Variants in CEP295 observed in about 807,000 individuals in gnomAD.
CEP295 encodes centrosomal protein 295.
In CEP295, 190 loss-of-function variants were observed where a neutral mutation model predicts 291.6. The observed-to-expected ratio is 0.65, with a 90% CI of 0.58 to 0.73. CEP295 has a LOEUF of 0.73. Ranked by LOEUF, CEP295 falls within the 30% of genes least tolerant of loss-of-function variation. The pLI, the probability that CEP295 is intolerant of heterozygous loss-of-function variation, is 0.00. For synonymous variants in CEP295, 993 were observed against 1,038.8 expected, an observed-to-expected ratio of 0.96 and a Z score of 0.85; for missense variants, 2,863 against 2,949.4, an observed-to-expected ratio of 0.97 and a Z score of 0.68.
chr11:93,707,001 G>A, intron 18 of CEP295, 104 bp downstream of exon 18: 1 of 948,042 alleles, frequency 1.1e-6, no homozygotes, highest in Non-Finnish European at 1.5e-6. Flanking sequence ...AATAAACTTA[G>A]TTACTGCTGT....
chr11:93,728,660 C>A, intron 24 of CEP295, 21 bp from the exon 25 acceptor site: 2 of 1,511,128 alleles, frequency 1.3e-6, no homozygotes, highest in Non-Finnish European at 1.8e-6. Flanking sequence ...ACATGGTTTT[C>A]CTTTTAATTG....
rs1413088187 is a variant in CEP295, at chr11:93,698,885, T to A, written c.3973T>A (p.Ser1325Thr). The change falls in exon 15 of 30, where the codon TCA (serine) becomes ACA (threonine). Residue 1325 changes from serine to threonine, a missense_variant. Physicochemically the swap from Ser to Thr is moderately conservative, Grantham distance 58. Transcript: ENST00000325212. ...TACAGAGAGTGAAAGTAAAATTTTT[T>A]CAAGCCACCTTCAGATCCCACAATT... ...LFTESESKIF[S>T]SHLQIPQLQD... is the part of the protein sequence containing the mutation. The A allele has an allele frequency of 6.4e-7, 1 of 1,551,728 alleles. No individual in the cohort carries two copies. Among genetic ancestry groups the A allele is most frequent in the East Asian group, 2.4e-5 (1 of 40,914 alleles).
chr11:93,708,998 A>AT (rs1220626836), intron 18 of CEP295, among the ~76,000 whole-genome samples: 8 of 152,006 alleles, frequency 5.3e-5, no homozygotes, highest in Non-Finnish European at 1.2e-4. Context: ...AGGTAATTAG[A>AT]TTTTTTCCTA....
chr11:93,688,476 T>C (rs1161590316), intron 10 of CEP295, among the ~76,000 whole-genome samples: 2 of 152,192 alleles, frequency 1.3e-5, no homozygotes, highest in African/African-American at 4.8e-5. Flanking sequence ...TTGATAAGAG[T>C]GACTTGTGGT....
At chr11:93,689,027 T>C (rs559453760) in intron 10 of CEP295, among the ~76,000 whole-genome samples, 1 of 152,294 alleles carries the variant, frequency 6.6e-6, no homozygotes, top group South Asian at 2.1e-4. Flanking sequence ...TCCAAACTAT[T>C]AGCTGATCCA....
intron 12 of CEP295, 40 bp from the exon 13 acceptor site, chr11:93,695,457 G>T: frequency 7.7e-7 from 1 of 1,295,668 alleles, no homozygotes; most frequent in South Asian, 1.9e-5. Flanking sequence ...GCCTTTGTAT[G>T]AGTTTGTTGT....
chr11:93,714,593 G>C (rs1953112477), intron 18 of CEP295, among the ~76,000 whole-genome samples: 2 of 152,150 alleles, frequency 1.3e-5, no homozygotes, highest in Non-Finnish European at 2.9e-5. Context: ...GGGCTTGCTT[G>C]TACCCATCCT....
rs1436441816 is a variant in CEP295, at chr11:93,706,917, T to A, written c.5749+20T>A. The A allele has an allele frequency of 1.2e-5, 18 of 1,514,654 alleles. No homozygotes were observed. The highest frequency in any genetic ancestry group is 1.5e-5 in the Non-Finnish European group (17 of 1,124,058). The allele number at this position is 1,514,654 out of a possible 1,614,324, so 93.8% of individuals were successfully genotyped here. ...AAGCAGGTGAGAAATAAATGGAAAG[T>A]GGAATTGTATGCACAAGGATATGTG... On this transcript the variant is annotated intron_variant, in intron 18 of 29. Coordinates refer to ENST00000325212, the MANE Select transcript of CEP295 (RefSeq NM_033395.2).
rs568279632 is a variant in CEP295 at position 93,672,416 on chromosome 11, C to CTT, written c.528+2658_528+2659dup. On this transcript the variant is annotated intron_variant, in intron 5 of 29. Transcript: ENST00000325212. ...GTTTTACTTCTTCCCTTGCTTATAC[C>CTT]TTTTTTTTTTTTTGAGACGGGATCT... 5.7e-4 allele frequency among the ~76,000 whole-genome samples: 83 copies of CTT among 145,068 alleles called. 2 individuals carry two copies. Among genetic ancestry groups the CTT allele is most frequent in the African/African-American group, 1.9e-3 (75 of 39,814 alleles).
chr11:93,715,786 T>C (rs1168506233), intron 18 of CEP295, among the ~76,000 whole-genome samples: 2 of 152,118 alleles, frequency 1.3e-5, no homozygotes, highest in African/African-American at 2.4e-5. Flanking sequence ...ATCCAACAGC[T>C]AGGTCCTAGT....
chr11:93,728,630 A>C, intron 24 of CEP295, 51 bp from the exon 25 acceptor site: 1 of 1,467,500 alleles, frequency 6.8e-7, no homozygotes, highest in Non-Finnish European at 9.0e-7. Flanking sequence ...GATTAGTTTA[A>C]GTCTTTTAAG....
At chr11:93,687,150 A>T (rs1486321675) in intron 9 of CEP295, among the ~76,000 whole-genome samples, 3 of 152,196 alleles carry the variant, frequency 2.0e-5, no homozygotes, top group Non-Finnish European at 4.4e-5. Context: ...TTTTTCCCAG[A>T]TAGTGCCAAG....
At chr11:93,672,220 A>T (rs1319954550) in intron 5 of CEP295, among the ~76,000 whole-genome samples, 1 of 152,212 alleles carries the variant, frequency 6.6e-6, no homozygotes, top group Non-Finnish European at 1.5e-5. Flanking sequence ...AATATACTTC[A>T]GAGTTCATGC....
intron 4 of CEP295, 21 bp downstream of exon 4, chr11:93,668,953 A>G (rs767343251): frequency 2.1e-5 from 21 of 1,010,182 alleles, no homozygotes; most frequent in South Asian, 1.1e-4. Flanking sequence ...AATTTTTACT[A>G]TAATCTCAAC....
intron 21 of CEP295, 112 bp downstream of exon 21, chr11:93,723,401 C>A: frequency 1.3e-6 from 1 of 769,752 alleles, no homozygotes; most frequent in Non-Finnish European, 2.1e-6. Flanking sequence ...TTATGGCCTG[C>A]TACAACACCG....
chr11:93,706,950 G>A (rs1312056469), intron 18 of CEP295, 53 bp downstream of exon 18: 1 of 1,364,158 alleles, frequency 7.3e-7, no homozygotes, highest in Non-Finnish European at 9.8e-7. Context: ...GTGGACAAAA[G>A]ATATTTATTA....
Position 93,698,222 on chromosome 11 carries a change from G to T in CEP295, c.3310G>T (p.Val1104Leu). The change falls in exon 15 of 30, where the codon GTG becomes TTG. Residue 1104 changes from valine to leucine, a missense_variant. This residue lies in a region of CEP295 where 2,295 missense variants were observed against 2,335.7 expected (regional missense o/e 0.98). Coordinates refer to ENST00000325212, the MANE Select transcript of CEP295 (RefSeq NM_033395.2). ...GCTGGTGAGCTCTTCATCCTCACCA[G>T]TGGTTGTTCAGCATTCAGTTGCTTC... ...SGLVSSSSSP[V>L]VVQHSVASQA... is the part of the protein sequence containing the mutation. The T allele has an allele frequency of 6.4e-7, 1 of 1,551,900 alleles. No homozygotes were observed. The highest frequency in any genetic ancestry group is 2.4e-5 in the East Asian group (1 of 40,920).
chr11:93,686,234 G>A (rs949925743), intron 9 of CEP295, among the ~76,000 whole-genome samples: 4 of 151,640 alleles, frequency 2.6e-5, no homozygotes, highest in African/African-American at 7.3e-5. Flanking sequence ...CAGGATAATC[G>A]CTTGAACCTG....
chr11:93,661,948 G>T (rs1950006967), intron 1 of CEP295, among the ~76,000 whole-genome samples, 174 bp downstream of exon 1: 3 of 152,180 alleles, frequency 2.0e-5, no homozygotes, highest in African/African-American at 7.2e-5. Context: ...GCCCGCGGTC[G>T]GGCTGGCGGC....
Sources: gnomAD v4.1 joint callset for allele counts (sites outside exome capture counted in the v4.1 genomes callset) on GRCh38, gnomAD v4.1.1 for gene constraint, gnomAD v4.1.1 regional missense constraint, MANE v1.5 for transcripts, NCBI Gene and HGNC (gene_info 2026-07-23, HGNC 2026-07-21) for gene names.